Variants in MBP observed in about 807,000 individuals in gnomAD.
The protein encoded by MBP is myelin basic protein, also known as Golli-MBP.
A neutral mutation model predicts 35.8 loss-of-function variants in MBP; 16 were observed. The ratio of observed to expected loss-of-function variants is 0.45; its 90% CI spans 0.30 to 0.68. The LOEUF is 0.68. Among genes scored for constraint, MBP ranks in the 30% least tolerant of loss-of-function variants. The probability of loss-of-function intolerance (pLI) is 0.08; values close to 1 mark genes in which losing one functional copy is unlikely to be tolerated. For missense variants in MBP, 380 were observed against 404.7 expected, an observed-to-expected ratio of 0.94 and a Z score of 0.52; for synonymous variants, 143 against 159.6, an observed-to-expected ratio of 0.90 and a Z score of 0.78.
chr18:77,035,133 T>A (rs975469496), intron 3 of MBP, among the ~76,000 whole-genome samples: 1 of 152,230 alleles, frequency 6.6e-6, no homozygotes, highest in Non-Finnish European at 1.5e-5. Context: ...GGCTGTGTGA[T>A]GCTGCTGAAA....
At chr18:77,022,157 A>T (rs1256784986) in intron 3 of MBP, among the ~76,000 whole-genome samples, 1 of 152,226 alleles carries the variant, frequency 6.6e-6, no homozygotes, top group African/African-American at 2.4e-5. Flanking sequence ...TGCAGTCCAC[A>T]TAAGACCTGG....
intron 3 of MBP, among the ~76,000 whole-genome samples, chr18:77,051,188 T>TCAA (rs1973473972): frequency 6.6e-6 from 1 of 152,178 alleles, no homozygotes; most frequent in South Asian, 2.1e-4. Flanking sequence ...TTGTGGGAAA[T>TCAA]GATTGCATTG....
At chr18:76,980,731 C>T (rs1258851970) in intron 8 of MBP, 2 of 499,150 alleles carry the variant, frequency 4.0e-6, no homozygotes, top group Non-Finnish European at 7.2e-6. Context: ...CTGGCATAAC[C>T]ACTGCTCTGC....
rs60010988 is a variant in MBP at position 77,084,431 on chromosome 18, C to CCACACACACACA, written c.52-18058_52-18047dup. 4.3e-4 allele frequency among the ~76,000 whole-genome samples: 46 copies of CCACACACACACA among 105,870 alleles called. 1 individual carries two copies. Among genetic ancestry groups the CCACACACACACA allele is most frequent in the African/African-American group, 8.4e-4 (24 of 28,658 alleles). 69.5% of individuals were successfully genotyped at this position (105,870 alleles called of 152,430 possible). ...ACACCGCCCCCCCCGCCACACCACA[C>CCACACACACACA]CACACACACACACACACACACACAC... is the stretch of plus-strand genomic sequence containing the variant. On this transcript the variant is annotated intron_variant, in intron 2 of 8. Transcript: ENST00000355994.
intron 4 of MBP, among the ~76,000 whole-genome samples, chr18:76,999,661 C>T (rs954977689): frequency 7.2e-5 from 11 of 152,074 alleles, no homozygotes; most frequent in African/African-American, 2.4e-4. Flanking sequence ...GTTGCCCAGG[C>T]TGGTCTTGAA....
chr18:77,003,187 A>G (rs1283396862), intron 4 of MBP: 1 of 152,142 alleles, frequency 6.6e-6, no homozygotes, highest in Non-Finnish European at 1.5e-5. Context: ...TCCTCCTTTC[A>G]GTGGAGAGTG....
intron 8 of MBP, chr18:76,980,791 T>C (rs1381648746): frequency 3.3e-6 from 1 of 300,566 alleles, no homozygotes; most frequent in Non-Finnish European, 6.3e-6. Context: ...TCCATTGCTT[T>C]GCTTTGAATG....
At chr18:77,016,148 G>A in intron 4 of MBP, 3 of 931,956 alleles carry the variant, frequency 3.2e-6, no homozygotes, top group Non-Finnish European at 3.7e-6. Flanking sequence ...GGACCCCATA[G>A]CAGAGTTTTT....
At chr18:77,049,523 C>G (rs929698767) in intron 3 of MBP, among the ~76,000 whole-genome samples, 2 of 151,998 alleles carry the variant, frequency 1.3e-5, no homozygotes, top group East Asian at 3.9e-4. Flanking sequence ...AGTATTTTGC[C>G]TATTTGCATA....
chr18:77,070,284 G>A (rs748868546), intron 2 of MBP, among the ~76,000 whole-genome samples: 2 of 152,190 alleles, frequency 1.3e-5, no homozygotes, highest in Non-Finnish European at 1.5e-5. Flanking sequence ...GTGACTGCAC[G>A]TGTCGACACG....
intron 7 of MBP, chr18:76,985,645 C>T: frequency 9.4e-7 from 1 of 1,065,518 alleles, no homozygotes; most frequent in Non-Finnish European, 1.1e-6. Context: ...CGCATCCTGG[C>T]AGCAGCGGGA....
At chr18:77,025,860 C>G (rs530389629) in intron 3 of MBP, among the ~76,000 whole-genome samples, 2 of 152,246 alleles carry the variant, frequency 1.3e-5, no homozygotes, top group East Asian at 3.9e-4. Flanking sequence ...CCTGAGTAAA[C>G]CAGGACGGAC....
At chr18:77,127,919 ACT>A (rs1977109739) in intron 1 of MBP, 1 of 152,172 alleles carries the variant, frequency 6.6e-6, no homozygotes, top group South Asian at 2.1e-4. Flanking sequence ...GTCCTGAATC[ACT>A]CACACACCGC....
intron 3 of MBP, among the ~76,000 whole-genome samples, chr18:77,037,249 C>A (rs1972814173): frequency 6.8e-6 from 1 of 147,946 alleles, no homozygotes; most frequent in Admixed American, 6.7e-5. Flanking sequence ...TGAGCAAGTG[C>A]TGGTCACATT....
chr18:77,009,500 C>T lies in MBP; in HGVS notation c.576+7332G>A, dbSNP rs147701889. ...CATAGACCAGGCCAGCCCTCAATAC[C>T]AGAGCCACTCCCGGGCCCCTCCACG... On this transcript the variant is annotated intron_variant, in intron 4 of 8. Coordinates refer to ENST00000355994, the MANE Select transcript of MBP (RefSeq NM_001025101.2). 3.1e-3 allele frequency among the ~76,000 whole-genome samples: 470 copies of T among 152,354 alleles called. 4 individuals are homozygous for T. The highest frequency in any genetic ancestry group is 0.011 in the African/African-American group (444 of 41,582).
At chr18:77,093,000 A>G (rs1202380317) in intron 2 of MBP, 1 of 152,202 alleles carries the variant, frequency 6.6e-6, no homozygotes, top group Non-Finnish European at 1.5e-5. Context: ...GTGCTCTCAA[A>G]GTCTGTTTAA....
At chr18:77,014,389 C>G (rs1015875087) in intron 4 of MBP, 3 of 985,334 alleles carry the variant, frequency 3.0e-6, no homozygotes, top group African/African-American at 3.5e-5. Context: ...TGGCAGGAAT[C>G]TGCCAGGAAA....
Position 77,131,205 on chromosome 18 carries a change from G to A in MBP, c.-26+1375C>T, listed in dbSNP as rs186750774. Among the ~76,000 whole-genome samples, 53 of 151,828 alleles carry A rather than the reference G, an allele frequency of 3.5e-4. 1 individual carries two copies. The highest frequency in any genetic ancestry group is 1.2e-3 in the African/African-American group (48 of 41,344). ...GGCTCTCAGCCGTGACCACAGCCCC[G>A]GCCCCAACCGCTAAGGAGGTGCTCA... is the stretch of plus-strand genomic sequence containing the variant. On this transcript the variant is annotated intron_variant, in intron 1 of 8. Coordinates refer to ENST00000355994, the MANE Select transcript of MBP (RefSeq NM_001025101.2). The surrounding 1 kb of genome is among the most constrained non-coding windows in gnomAD (Gnocchi z 5.5).
chr18:77,040,984 G>A (rs1972966264), intron 3 of MBP, among the ~76,000 whole-genome samples: 1 of 152,032 alleles, frequency 6.6e-6, no homozygotes, highest in South Asian at 2.1e-4. Flanking sequence ...TACCATCAGA[G>A]TGAACAGGCA....
Sources: allele counts gnomAD v4.1 joint callset (sites outside exome capture counted in the v4.1 genomes callset), GRCh38; gene constraint gnomAD v4.1.1; non-coding constraint Gnocchi (gnomAD v3.1); transcripts MANE v1.5; gene names NCBI Gene and HGNC (gene_info 2026-07-23, HGNC 2026-07-21).